The following ZNG1C variants were observed in gnomAD, a reference collection of about 807,000 sequenced individuals.
ZNG1C encodes Zn regulated GTPase metalloprotein activator 1C, also known as zinc-regulated GTPase metalloprotein activator 1C.
At chr9:68,273,731 G>GGC in the ZNG1C span, 1 of 59,272 alleles carries the variant, frequency 1.7e-5, no homozygotes, top group Non-Finnish European at 3.9e-5. Flanking sequence ...TTTAACAAAT[G>GGC]TTTGGCAAGC....
chr9:68,289,736 A>G, the ZNG1C span, among the ~76,000 whole-genome samples: 18 of 147,704 alleles, frequency 1.2e-4, no homozygotes, highest in East Asian at 3.9e-4. Flanking sequence ...TATTTTAGAG[A>G]CAATTCCTCA....
the ZNG1C span, among the ~76,000 whole-genome samples, chr9:68,288,625 A>G: frequency 2.4e-5 from 3 of 122,614 alleles, no homozygotes; most frequent in African/African-American, 9.5e-5. Flanking sequence ...GGCATGTACC[A>G]CCATGCCTAG....
At chr9:68,296,608 C>T in the ZNG1C span, among the ~76,000 whole-genome samples, 3 of 152,366 alleles carry the variant, frequency 2.0e-5, no homozygotes, top group East Asian at 3.9e-4. Flanking sequence ...ATTGCTAGGC[C>T]AGATACGCAG....
At chr9:68,269,548 C>CT in the ZNG1C span, 1 of 57,052 alleles carries the variant, frequency 1.8e-5, no homozygotes, top group South Asian at 7.6e-4. Context: ...TTATTAAGCT[C>CT]ATTTTTTTTT....
At chr9:68,247,070 T>A in the ZNG1C span, among the ~76,000 whole-genome samples, 1 of 115,088 alleles carries the variant, frequency 8.7e-6, no homozygotes, top group South Asian at 2.9e-4. Context: ...CTGACCTCGT[T>A]ATCCGCCCGC....
chr9:68,257,711 T>C, the ZNG1C span, among the ~76,000 whole-genome samples: 2 of 118,340 alleles, frequency 1.7e-5, no homozygotes, highest in African/African-American at 6.7e-5. Context: ...TTTATTTACC[T>C]GAACACTTTT....
At chr9:68,288,635 G>T in the ZNG1C span, among the ~76,000 whole-genome samples, 1 of 82,812 alleles carries the variant, frequency 1.2e-5, no homozygotes. Context: ...ACCATGCCTA[G>T]CTAATTTTTG....
chr9:68,293,156 C>T, the ZNG1C span, among the ~76,000 whole-genome samples: 1 of 152,106 alleles, frequency 6.6e-6, no homozygotes. Flanking sequence ...TGCAAGAATG[C>T]TAAAAGGAAC....
chr9:68,268,552 GA>G, the ZNG1C span, among the ~76,000 whole-genome samples: 2 of 151,790 alleles, frequency 1.3e-5, no homozygotes, highest in Admixed American at 1.3e-4. Context: ...TATGCCTGAG[GA>G]AAAAAGTGAC....
the ZNG1C span, among the ~76,000 whole-genome samples, chr9:68,267,094 C>T: frequency 6.6e-6 from 1 of 151,612 alleles, no homozygotes; most frequent in African/African-American, 2.4e-5. Context: ...GAGAGACATT[C>T]GGTAGCTATT....
the ZNG1C span, chr9:68,274,049 A>G: frequency 1.3e-5 from 2 of 148,344 alleles, no homozygotes; most frequent in Non-Finnish European, 3.0e-5. Flanking sequence ...CACGTTGTCC[A>G]TGGCCAGGAT....
At chr9:68,299,102 C>A in the ZNG1C span, 1 of 1,608,542 alleles carries the variant, frequency 6.2e-7, no homozygotes, top group African/African-American at 1.3e-5. Flanking sequence ...TGGTAAGTCT[C>A]AAAGGATTCA....
the ZNG1C span, among the ~76,000 whole-genome samples, chr9:68,265,132 T>C: frequency 5.5e-5 from 8 of 144,776 alleles, no homozygotes; most frequent in South Asian, 2.3e-4. Context: ...CCTCAGGTGA[T>C]CCACCCGCCT....
the ZNG1C span, among the ~76,000 whole-genome samples, chr9:68,297,196 T>C: frequency 6.7e-6 from 1 of 150,220 alleles, no homozygotes. Flanking sequence ...AGTCAAAAGA[T>C]ACAATGAGGT....
the ZNG1C span, chr9:68,299,273 C>A: frequency 4.9e-5 from 71 of 1,434,768 alleles, no homozygotes; most frequent in South Asian, 9.8e-4. Flanking sequence ...GACTTTTGTT[C>A]TTCTTCAATT....
chr9:68,280,943 C>G, the ZNG1C span, among the ~76,000 whole-genome samples: 1 of 109,372 alleles, frequency 9.1e-6, no homozygotes, highest in South Asian at 3.1e-4. Context: ...GCCTCGCTGC[C>G]GCCTTGCAGT....
At chr9:68,279,034 T>C in the ZNG1C span, among the ~76,000 whole-genome samples, 1 of 53,546 alleles carries the variant, frequency 1.9e-5, no homozygotes, top group African/African-American at 8.1e-5. Flanking sequence ...GCTCTTCTTG[T>C]TGAATTGATC....
the ZNG1C span, among the ~76,000 whole-genome samples, chr9:68,290,077 A>C: frequency 1.6e-5 from 2 of 127,138 alleles, no homozygotes. Context: ...TATCTTCTGC[A>C]CTGGGAATTA....
chr9:68,247,756 T>C, the ZNG1C span: 1 of 548,306 alleles, frequency 1.8e-6, no homozygotes, highest in Non-Finnish European at 3.1e-6. Flanking sequence ...AAATGTTTAT[T>C]GATTATATTT....
Sources: gnomAD v4.1 joint callset for allele counts (sites outside exome capture counted in the v4.1 genomes callset) on GRCh38, gnomAD v4.1.1 for gene constraint, MANE v1.5 for transcripts, NCBI Gene and HGNC (gene_info 2026-07-23, HGNC 2026-07-21) for gene names.